The following KPNA1 variants were observed in gnomAD, a reference collection of about 807,000 sequenced individuals.
KPNA1 encodes karyopherin subunit alpha 1, also known as importin subunit alpha-5.
KPNA1 carries 10 observed loss-of-function variants against 70.5 expected under a neutral mutation model. That is an observed-to-expected ratio of 0.14 (90% CI 0.09 to 0.24). The LOEUF (loss-of-function observed/expected upper bound fraction) is 0.24, where lower values mean the gene tolerates loss of function less well. Ranked by LOEUF, KPNA1 falls within the 10% of genes least tolerant of loss-of-function variation. The pLI, the probability that KPNA1 is intolerant of heterozygous loss-of-function variation, is 1.00. For missense variants in KPNA1, 397 were observed against 637.9 expected, an observed-to-expected ratio of 0.62 and a Z score of 4.07; for synonymous variants, 192 against 221.9, an observed-to-expected ratio of 0.87 and a Z score of 1.20.
At chr3:122,507,125 G>A (rs902643142) in intron 1 of KPNA1, among the ~76,000 whole-genome samples, 4 of 152,062 alleles carry the variant, frequency 2.6e-5, no homozygotes, top group Non-Finnish European at 4.4e-5. Flanking sequence ...CTATACTTTC[G>A]AAAAATATTT....
At chr3:122,507,247 C>A (rs368444305) in intron 1 of KPNA1, among the ~76,000 whole-genome samples, 6 of 152,104 alleles carry the variant, frequency 3.9e-5, no homozygotes, top group Admixed American at 3.3e-4. Context: ...TCGAGACCAG[C>A]CTGGCCAACA....
chr3:122,437,270 T>C lies in KPNA1; in HGVS notation c.1022A>G (p.Gln341Arg), dbSNP rs770263765. 1.9e-6 allele frequency: 3 copies of C among 1,612,236 alleles called. No individual in the cohort carries two copies. Among genetic ancestry groups the C allele is most frequent in the East Asian group, 4.5e-5 (2 of 44,860 alleles). The change falls in exon 11 of 14, where the codon CAG becomes CGG. Residue 341 changes from glutamine (Q) to arginine (R), a missense_variant. Gln to Arg is a conservative substitution (Grantham distance 43). Transcript: ENST00000344337. Reference protein sequence around the residue: ...TQVILNCSALQSLLHLLSSPK... With the variant: ...TQVILNCSALRSLLHLLSSPK... Reference sequence around the variant, plus strand: ...GCTACTCAGCAAATGCAATAAACTCTGCAGAGCTGAGCAATTCAGAATTAC... The same window carrying C: ...GCTACTCAGCAAATGCAATAAACTCCGCAGAGCTGAGCAATTCAGAATTAC...
chr3:122,468,173 AAAACC>A (rs1354616885), intron 2 of KPNA1, among the ~76,000 whole-genome samples: 1 of 152,236 alleles, frequency 6.6e-6, no homozygotes, highest in Non-Finnish European at 1.5e-5. Context: ...CTCAGAAAGA[AAAACC>A]CAAGATAAGC....
chr3:122,510,441 A>G (rs2076942454), intron 1 of KPNA1, among the ~76,000 whole-genome samples: 1 of 152,236 alleles, frequency 6.6e-6, no homozygotes, highest in Non-Finnish European at 1.5e-5. Context: ...ACAACAAAAA[A>G]TACTAACTTG....
At chr3:122,460,426 C>T (rs1330837056) in intron 5 of KPNA1, 2 of 522,460 alleles carry the variant, frequency 3.8e-6, no homozygotes, top group African/African-American at 4.1e-5. Context: ...CACTTGAGGT[C>T]AGGAGTTTGA....
intron 12 of KPNA1, among the ~76,000 whole-genome samples, chr3:122,430,477 CA>C (rs2075886658): frequency 6.7e-6 from 1 of 148,656 alleles, no homozygotes; most frequent in African/African-American, 2.5e-5. Context: ...TGGAACCTAT[CA>C]ATGACATTAA....
In KPNA1 at chr3:122,476,861, C is replaced by CAAA. The variant is rs144118691; in HGVS notation, c.130-9435_130-9433dup. 8.2e-3 allele frequency among the ~76,000 whole-genome samples: 507 copies of CAAA among 61,982 alleles called. 2 individuals are homozygous for CAAA. The highest frequency in any genetic ancestry group is 0.012 in the Middle Eastern group (1 of 86). The allele number at this position is 61,982 out of a possible 152,430, so 40.7% of individuals were successfully genotyped here. A position where few individuals can be genotyped will look rare whatever the true frequency, so the allele number is the denominator to read the frequency against. ...TATGAAAAACAGTATGGAGGTTCCA[C>CAAA]AAAAAAAAAAAAAAAAAAAAAAACT... On this transcript the variant is annotated intron_variant, in intron 2 of 13. Coordinates refer to ENST00000344337, the MANE Select transcript of KPNA1 (RefSeq NM_002264.4).
chr3:122,484,601 CCA>C (rs140862329), intron 2 of KPNA1, among the ~76,000 whole-genome samples: 10,461 of 151,568 alleles, frequency 0.069, 1,170 homozygotes, highest in African/African-American at 0.24. Context: ...TGAGATCACA[CCA>C]CTGCACTCCA....
chr3:122,462,165 T>C (rs1335966078), intron 4 of KPNA1, among the ~76,000 whole-genome samples: 2 of 152,102 alleles, frequency 1.3e-5, no homozygotes, highest in African/African-American at 4.8e-5. Context: ...CTAGTTAATA[T>C]GCTGAGTTAC....
intron 1 of KPNA1, among the ~76,000 whole-genome samples, chr3:122,512,040 T>C (rs2076960831): frequency 6.6e-6 from 1 of 152,104 alleles, no homozygotes; most frequent in Non-Finnish European, 1.5e-5. Flanking sequence ...AAGAAAATAA[T>C]GCAAGAAACA....
chr3:122,475,680 C>T (rs1387611076), intron 2 of KPNA1, among the ~76,000 whole-genome samples: 3 of 152,104 alleles, frequency 2.0e-5, no homozygotes, highest in Non-Finnish European at 2.9e-5. Flanking sequence ...CTTTTAACTC[C>T]CCCACAGCCT....
intron 10 of KPNA1, among the ~76,000 whole-genome samples, chr3:122,439,278 G>A (rs2076031886): frequency 6.6e-6 from 1 of 152,114 alleles, no homozygotes; most frequent in African/African-American, 2.4e-5. Context: ...AAACTCCTGG[G>A]TGCAAGCAAT....
At chr3:122,450,667 A>G (rs576902677) in intron 8 of KPNA1, among the ~76,000 whole-genome samples, 7 of 152,224 alleles carry the variant, frequency 4.6e-5, no homozygotes, top group Non-Finnish European at 8.8e-5. Flanking sequence ...AATGTAAACC[A>G]GTATAACCAC....
intron 1 of KPNA1, among the ~76,000 whole-genome samples, chr3:122,511,471 T>C (rs2076954141): frequency 1.3e-5 from 2 of 152,320 alleles, no homozygotes; most frequent in South Asian, 2.1e-4. Context: ...AGAACCATTT[T>C]TTCATGTTGT....
intron 9 of KPNA1, 147 bp downstream of exon 9, chr3:122,449,427 A>C (rs2076175064): frequency 1.6e-6 from 1 of 634,632 alleles, no homozygotes; most frequent in Admixed American, 3.4e-5. Context: ...AACAGATCTG[A>C]CATCAAAATA....
intron 10 of KPNA1, among the ~76,000 whole-genome samples, chr3:122,439,334 C>A (rs1004554020): frequency 1.3e-5 from 2 of 152,170 alleles, no homozygotes; most frequent in African/African-American, 4.8e-5. Context: ...ACTACAGTTA[C>A]ATTCCATCAT....
intron 10 of KPNA1, among the ~76,000 whole-genome samples, chr3:122,439,184 A>G (rs1472745711): frequency 1.3e-5 from 2 of 152,176 alleles, no homozygotes; most frequent in Admixed American, 6.5e-5. Context: ...CAGACTACTG[A>G]GGCTATTTTA....
chr3:122,462,950 C>T (rs73190127), intron 4 of KPNA1, among the ~76,000 whole-genome samples: 20,095 of 152,064 alleles, frequency 0.13, 1,405 homozygotes, highest in Middle Eastern at 0.27. Context: ...CAGCCGGGTG[C>T]GGTGGCTCAT....
intron 8 of KPNA1, among the ~76,000 whole-genome samples, chr3:122,450,090 A>G (rs2076182430): frequency 6.6e-6 from 1 of 152,252 alleles, no homozygotes. Flanking sequence ...ATACTTTGTT[A>G]AAGACCAAAA....
Sources: gnomAD v4.1 joint callset for allele counts (sites outside exome capture counted in the v4.1 genomes callset) on GRCh38, gnomAD v4.1.1 for gene constraint, MANE v1.5 for transcripts, NCBI Gene and HGNC (gene_info 2026-07-23, HGNC 2026-07-21) for gene names.